Variants in SRPX observed in about 807,000 individuals in gnomAD.
The protein encoded by SRPX is sushi repeat containing protein X-linked.
SRPX carries 24 observed loss-of-function variants against 38.1 expected under a neutral mutation model. The observed-to-expected ratio is 0.63, with a 90% CI of 0.46 to 0.89. The LOEUF (loss-of-function observed/expected upper bound fraction) is 0.89. Ranked by LOEUF, SRPX falls within the 40% of genes least tolerant of loss-of-function variation. SRPX has a pLI of 0.00. For missense variants in SRPX, 416 were observed against 377.8 expected (o/e 1.10, Z -0.84); for synonymous variants, 184 against 153.8 (o/e 1.20, Z -1.45).
At chrX:38,191,111 T>TCA (rs751441808) in intron 1 of SRPX, among the ~76,000 whole-genome samples, 1 of 112,075 alleles carries the variant, frequency 8.9e-6, no homozygotes, top group Admixed American at 9.4e-5. Flanking sequence ...TTGGTTCCAG[T>TCA]ATTGCTTGGC....
intron 9 of SRPX, among the ~76,000 whole-genome samples, chrX:38,153,306 T>C (rs1015781245): frequency 7.5e-5 from 5 of 66,488 alleles, no homozygotes; most frequent in East Asian, 3.9e-4. Flanking sequence ...TTCTTTCTTT[T>C]TTTTTTTTTT....
intron 2 of SRPX, among the ~76,000 whole-genome samples, chrX:38,175,982 C>T (rs940235501): frequency 1.8e-5 from 2 of 111,388 alleles, no homozygotes; most frequent in African/African-American, 6.5e-5. Flanking sequence ...TGCCTGAAGC[C>T]TTGGATAGTA....
At chrX:38,169,203 ATG>A (rs780438415) in intron 4 of SRPX, among the ~76,000 whole-genome samples, 1 of 112,661 alleles carries the variant, frequency 8.9e-6, no homozygotes, top group Non-Finnish European at 1.9e-5. Context: ...TTGCAAAAGA[ATG>A]TGTATTTGTC....
chrX:38,164,995 C>CT (rs1420717005), intron 4 of SRPX, 100 bp from the exon 5 acceptor site: 1 of 769,420 alleles, frequency 1.3e-6, no homozygotes, highest in Non-Finnish European at 1.9e-6. Context: ...TCTGGGTATT[C>CT]TCCATTTTCA....
chrX:38,173,402 G>A (rs1324754459), intron 3 of SRPX, among the ~76,000 whole-genome samples: 2 of 111,511 alleles, frequency 1.8e-5, no homozygotes, highest in South Asian at 3.8e-4. Context: ...CACTTCTTCT[G>A]TGACTCTTTC....
intron 1 of SRPX, among the ~76,000 whole-genome samples, chrX:38,219,683 C>T (rs1002210132): frequency 1.7e-4 from 19 of 112,160 alleles, no homozygotes; most frequent in Admixed American, 8.4e-4. Context: ...ATCCTCTATC[C>T]TTCTACCAGA....
intron 1 of SRPX, among the ~76,000 whole-genome samples, chrX:38,187,666 C>A (rs940379518): frequency 8.9e-6 from 1 of 112,147 alleles, no homozygotes; most frequent in Non-Finnish European, 1.9e-5. Context: ...CTCTTGTATT[C>A]TTGAAGCTCT....
intron 4 of SRPX, among the ~76,000 whole-genome samples, chrX:38,169,466 A>G (rs1271572181): frequency 9.3e-6 from 1 of 107,446 alleles, no homozygotes; most frequent in African/African-American, 3.4e-5. Flanking sequence ...TGTGTTAATA[A>G]ATCTCCACCT....
intron 1 of SRPX, among the ~76,000 whole-genome samples, chrX:38,185,762 A>G (rs1938765078): frequency 9.0e-6 from 1 of 110,509 alleles, no homozygotes; most frequent in South Asian, 3.9e-4. Context: ...CTGAAATATC[A>G]CTAGCTTGAC....
At chrX:38,194,863 G>GTTTTTGTT (rs1938966009) in intron 1 of SRPX, among the ~76,000 whole-genome samples, 1 of 53,667 alleles carries the variant, frequency 1.9e-5, no homozygotes, top group African/African-American at 9.2e-5. Flanking sequence ...TTTGTTTTTG[G>GTTTTTGTT]TTTTTTTTTT....
chrX:38,179,708 A>T (rs1044749680), intron 1 of SRPX, among the ~76,000 whole-genome samples: 1 of 111,997 alleles, frequency 8.9e-6, no homozygotes, highest in Admixed American at 9.5e-5. Context: ...CCGCAACTAC[A>T]GAAGCCCAAT....
At chrX:38,212,777 C>A (rs1939353969) in intron 1 of SRPX, among the ~76,000 whole-genome samples, 1 of 111,346 alleles carries the variant, frequency 9.0e-6, no homozygotes, top group Non-Finnish European at 1.9e-5. Context: ...CCCACCGTCA[C>A]ACCCTCAAAA....
chrX:38,208,216 A>C (rs773855003), intron 1 of SRPX, among the ~76,000 whole-genome samples: 1 of 111,941 alleles, frequency 8.9e-6, no homozygotes, highest in South Asian at 3.8e-4. Context: ...TCTTAAGTGT[A>C]TACAGCTCAA....
intron 4 of SRPX, among the ~76,000 whole-genome samples, chrX:38,170,915 C>A (rs773377271): frequency 8.9e-6 from 1 of 111,871 alleles, no homozygotes; most frequent in South Asian, 3.9e-4. Context: ...GAGCTATGCA[C>A]ATAGCTAATC....
At chrX:38,159,131 A>C in intron 7 of SRPX, among the ~76,000 whole-genome samples, 1 of 112,318 alleles carries the variant, frequency 8.9e-6, no homozygotes, top group African/African-American at 3.2e-5. Context: ...TCACACTAAG[A>C]TTTTGAAATT....
intron 1 of SRPX, among the ~76,000 whole-genome samples, chrX:38,179,839 C>T (rs779981804): frequency 3.8e-4 from 42 of 111,992 alleles, no homozygotes; most frequent in Non-Finnish European, 7.3e-4. Flanking sequence ...GACACAGTGG[C>T]TCATGCCTGT....
chrX:38,213,830 G>T (rs140023901), intron 1 of SRPX, among the ~76,000 whole-genome samples: 1,121 of 111,663 alleles, frequency 0.01, 15 homozygotes, highest in African/African-American at 0.035. Flanking sequence ...GAGAGAGGAA[G>T]GAGGTGCTAC....
intron 8 of SRPX, 77 bp downstream of exon 8, chrX:38,156,819 C>T: frequency 8.9e-7 from 1 of 1,118,451 alleles, no homozygotes; most frequent in Non-Finnish European, 1.2e-6. Flanking sequence ...TGAATCTGGC[C>T]TTTGCTTTTA....
At chrX:38,208,961 A>G (rs1224542044) in intron 1 of SRPX, among the ~76,000 whole-genome samples, 4 of 103,741 alleles carry the variant, frequency 3.9e-5, no homozygotes, top group Non-Finnish European at 5.9e-5. Context: ...TGCTGGGATT[A>G]CAGGTGTGAG....
Sources: gnomAD v4.1 joint callset for allele counts (sites outside exome capture counted in the v4.1 genomes callset) on GRCh38, gnomAD v4.1.1 for gene constraint, MANE v1.5 for transcripts, NCBI Gene and HGNC (gene_info 2026-07-23, HGNC 2026-07-21) for gene names.